The following FERMT1 variants were observed in gnomAD, a reference collection of about 807,000 sequenced individuals.
FERMT1 encodes FERM domain containing kindlin 1.
In FERMT1, 60 loss-of-function variants were observed where a neutral mutation model predicts 85.3. The observed-to-expected ratio is 0.70, with a 90% CI of 0.57 to 0.87. The LOEUF (loss-of-function observed/expected upper bound fraction) is 0.87, where lower values mean the gene tolerates loss of function less well. Among genes scored for constraint, FERMT1 ranks in the 40% least tolerant of loss-of-function variants. The probability of loss-of-function intolerance (pLI) is 0.00; values close to 1 mark genes in which losing one functional copy is unlikely to be tolerated. For synonymous variants in FERMT1, 275 were observed against 301.1 expected (o/e 0.91, Z 0.90); for missense variants, 701 against 818.9 (o/e 0.86, Z 1.76).
chr20:6,100,124 GA>G (rs972716012), intron 6 of FERMT1, among the ~76,000 whole-genome samples: 1 of 151,832 alleles, frequency 6.6e-6, no homozygotes, highest in African/African-American at 2.4e-5. Flanking sequence ...AAAAGTCAAA[GA>G]AAAAATCCCA....
chr20:6,080,781 G>A (rs981521302), intron 13 of FERMT1, among the ~76,000 whole-genome samples: 5 of 152,174 alleles, frequency 3.3e-5, no homozygotes, highest in South Asian at 2.1e-4. Context: ...TATGTAGCGG[G>A]GAGCCAGTTT....
In FERMT1 at chr20:6,112,407, A is replaced by G. The variant is rs1982975373; in HGVS notation, c.532+70T>C. 2.1e-6 allele frequency: 3 copies of G among 1,440,546 alleles called. No homozygotes were observed. In the African/African-American group the frequency reaches 4.2e-5, roughly 20 times the overall value. The allele number at this position is 1,440,546 out of a possible 1,614,324, so 89.2% of individuals were successfully genotyped here. ...TTCTCCTTTGTTTGGTGGGGGTGGG[A>G]GGAGAGATATATTTCTCTCTTGAGT... On this transcript the variant is annotated intron_variant, in intron 4 of 14. Transcript: ENST00000217289.
chr20:6,119,531 T>C lies in FERMT1; in HGVS notation c.24A>G (p.Thr8=), dbSNP rs199738106. ...GGACCACAAGCTCCCAGGAAGCAAATGTAAAGTCAGTGGATGACAGCATTG... is the reference window on the plus strand; with the variant it reads ...GGACCACAAGCTCCCAGGAAGCAAACGTAAAGTCAGTGGATGACAGCATTG... The part of the protein sequence containing the change: MLSSTDF[T]FASWELVVRV... The change falls in exon 2 of 15, where the codon ACA becomes ACG. Residue 8 remains threonine, a synonymous_variant. Transcript: ENST00000217289. The C allele has an allele frequency of 8.7e-6, 14 of 1,614,112 alleles. No homozygotes were observed. Among genetic ancestry groups the C allele is most frequent in the African/African-American group, 1.3e-5 (1 of 75,038 alleles).
chr20:6,079,564 T>C lies in FERMT1; in HGVS notation c.1732A>G (p.Lys578Glu). 1 of 1,614,022 alleles carries C rather than the reference T, an allele frequency of 6.2e-7. No homozygotes were observed. The highest frequency in any genetic ancestry group is 8.5e-7 in the Non-Finnish European group (1 of 1,179,872). ...GAAACTCCCAGAATGTCATCTTTTTTGCTTCCTTTAAATCTGAAAAGAATC... is the reference window on the plus strand; with the variant it reads ...GAAACTCCCAGAATGTCATCTTTTTCGCTTCCTTTAAATCTGAAAAGAATC... ...TYYLVRFKGSKKDDILGVSYN... is the reference protein window; with the variant it reads ...TYYLVRFKGSEKDDILGVSYN... Residue 578 changes from lysine to glutamate, a missense_variant, in exon 14 of 15, where the codon AAA becomes GAA. Lys to Glu is a moderately conservative substitution (Grantham distance 56, BLOSUM62 1). Coordinates refer to ENST00000217289, the MANE Select transcript of FERMT1 (RefSeq NM_017671.5).
chr20:6,088,867 G>A lies in FERMT1; in HGVS notation c.1264+98C>T, dbSNP rs186084527. The A allele has an allele frequency of 3.0e-4, 359 of 1,209,490 alleles. No individual in the cohort carries two copies. The African/African-American group carries it at 4.2e-3, about 14-fold the overall frequency. The allele number at this position is 1,209,490 out of a possible 1,614,324, so 74.9% of individuals were successfully genotyped here. ...TCGAACTCCTGACCTCAGGTGATCCGCCCGCCTCAGCCTCCCAAAGTGCTG... is the reference window on the plus strand; with the variant it reads ...TCGAACTCCTGACCTCAGGTGATCCACCCGCCTCAGCCTCCCAAAGTGCTG... On this transcript the variant is annotated intron_variant, in intron 10 of 14. Coordinates refer to ENST00000217289, the MANE Select transcript of FERMT1 (RefSeq NM_017671.5).
In FERMT1 at chr20:6,107,967, G is replaced by A. The variant is rs150510601; in HGVS notation, c.747-333C>T. ...TGCAGCCTCTGCCTCCCAGGTTCAA[G>A]CGATTCTCTTGCCTCAGCCTCACGA... On this transcript the variant is annotated intron_variant, in intron 5 of 14. Transcript: ENST00000217289. Among the ~76,000 whole-genome samples, 549 of 152,308 alleles carry A rather than the reference G, an allele frequency of 3.6e-3. 7 individuals are homozygous for A. The highest frequency in any genetic ancestry group is 0.03 in the South Asian group (145 of 4,828).
intron 4 of FERMT1, 105 bp downstream of exon 4, chr20:6,112,372 G>T (rs1165089546): frequency 1.7e-6 from 2 of 1,172,578 alleles, no homozygotes; most frequent in Non-Finnish European, 2.5e-6. Context: ...CATCAGTTCT[G>T]CAATTTTATT....
intron 5 of FERMT1, 124 bp downstream of exon 5, chr20:6,110,174 A>G (rs1380308199): frequency 1.2e-6 from 1 of 811,384 alleles, no homozygotes; most frequent in African/African-American, 1.7e-5. Context: ...TGCTAAAATC[A>G]GCACTAACTT....
rs1473910227 is a variant in FERMT1, at chr20:6,097,033, A to G, written c.958T>C (p.Tyr320His). Residue 320 changes from tyrosine (Y) to histidine (H), a missense_variant and splice_region_variant, in exon 8 of 15, where the codon TAC becomes CAC. Coordinates refer to ENST00000217289, the MANE Select transcript of FERMT1 (RefSeq NM_017671.5). The stretch of plus-strand genomic sequence containing the variant: ...GACAACGACAGTTTGCTAATGTGGT[A>G]CTAAAATGAAAACAGACGTTTTAGA... ...EEMLIFAALQ[Y>H]HISKLSLSAE... 2 of 1,613,590 alleles carry G rather than the reference A, an allele frequency of 1.2e-6. No homozygotes were observed. The highest frequency in any genetic ancestry group is 3.3e-5 in the Admixed American group (2 of 60,016).
chr20:6,098,587 TA>T (rs1195943662), intron 6 of FERMT1, among the ~76,000 whole-genome samples: 4 of 151,394 alleles, frequency 2.6e-5, no homozygotes, highest in Admixed American at 6.6e-5. Flanking sequence ...AATTTTATAT[TA>T]AAATATAAAA....
rs1373959657 is a variant in FERMT1, at chr20:6,104,556, A to T, written c.849+2976T>A. Among the ~76,000 whole-genome samples the T allele has an allele frequency of 6.6e-6, 1 of 152,174 alleles. No homozygotes were observed. The highest frequency in any genetic ancestry group is 1.5e-5 in the Non-Finnish European group (1 of 68,034). On this transcript the variant is annotated intron_variant, in intron 6 of 14. Coordinates refer to ENST00000217289, the MANE Select transcript of FERMT1 (RefSeq NM_017671.5). The surrounding 1 kb of genome is among the most constrained non-coding windows in gnomAD (Gnocchi z 4.2). ...TGGTTGAGGATCACAGTGTCCTCCA[A>T]TGCCATGTCCCATTATCCTGAGTCT...
intron 2 of FERMT1, among the ~76,000 whole-genome samples, chr20:6,116,855 T>G (rs1983116881): frequency 6.6e-6 from 1 of 152,246 alleles, no homozygotes; most frequent in Non-Finnish European, 1.5e-5. Flanking sequence ...AAAATCTCTG[T>G]GCCATGGCCC....
chr20:6,086,820 TC>T (rs1420163019), intron 11 of FERMT1, among the ~76,000 whole-genome samples: 1 of 152,108 alleles, frequency 6.6e-6, no homozygotes, highest in Non-Finnish European at 1.5e-5. Flanking sequence ...TCCTGAGGCC[TC>T]CCCAGCCATG....
At chr20:6,108,990 G>C (rs1982870392) in intron 5 of FERMT1, among the ~76,000 whole-genome samples, 2 of 152,150 alleles carry the variant, frequency 1.3e-5, no homozygotes, top group Non-Finnish European at 2.9e-5. Flanking sequence ...TGATGCATTA[G>C]CCCCAGCTGA....
intron 11 of FERMT1, among the ~76,000 whole-genome samples, chr20:6,086,052 G>C (rs1441307792): frequency 1.3e-5 from 2 of 151,078 alleles, no homozygotes; most frequent in Non-Finnish European, 2.9e-5. Context: ...TGAGGCAGGA[G>C]AATCACTTGA....
intron 6 of FERMT1, 29 bp from the exon 7 acceptor site, chr20:6,097,660 A>G (rs1292094430): frequency 4.3e-6 from 6 of 1,399,264 alleles, no homozygotes; most frequent in East Asian, 4.6e-5. Flanking sequence ...GTGTGTGTGT[A>G]ATGAGGTATA....
intron 4 of FERMT1, among the ~76,000 whole-genome samples, 165 bp from the exon 5 acceptor site, chr20:6,110,676 A>G (rs1982923931): frequency 6.6e-6 from 1 of 152,170 alleles, no homozygotes. Context: ...CTATAATCCT[A>G]GCTACTTGGG....
chr20:6,095,492 T>G (rs75802928), intron 8 of FERMT1, among the ~76,000 whole-genome samples: 2 of 152,256 alleles, frequency 1.3e-5, no homozygotes, highest in Admixed American at 6.5e-5. Flanking sequence ...AGTGGGTAAC[T>G]CCTGCTACAC....
chr20:6,097,936 T>C (rs1012445463), intron 6 of FERMT1, among the ~76,000 whole-genome samples: 3 of 152,076 alleles, frequency 2.0e-5, no homozygotes, highest in African/African-American at 7.2e-5. Context: ...TGCCCCAGCC[T>C]CCCAAGTAGC....
Sources: allele counts gnomAD v4.1 joint callset (sites outside exome capture counted in the v4.1 genomes callset), GRCh38; gene constraint gnomAD v4.1.1; non-coding constraint Gnocchi (gnomAD v3.1); transcripts MANE v1.5; gene names NCBI Gene and HGNC (gene_info 2026-07-23, HGNC 2026-07-21).